STARD13: variants seen among roughly 807,000 people sequenced by gnomAD.
STARD13 encodes StAR related lipid transfer domain containing 13.
Under a neutral mutation model 106.4 loss-of-function variants are expected in STARD13, and 62 were observed. That is an observed-to-expected ratio of 0.58 (90% CI 0.48 to 0.72). STARD13 has a LOEUF of 0.72. STARD13 is among the 30% of genes least tolerant of loss of function. STARD13 has a pLI of 0.00. For missense variants in STARD13, 1,387 were observed against 1,424.0 expected (o/e 0.97, Z 0.42); for synonymous variants, 565 against 553.0 (o/e 1.02, Z -0.31).
chr13:33,245,514 T>C (rs1344773892), intron 1 of STARD13, among the ~76,000 whole-genome samples: 1 of 152,216 alleles, frequency 6.6e-6, no homozygotes, highest in Admixed American at 6.5e-5. Context: ...CAGAATGTCA[T>C]TTAGCAAAAG....
chr13:33,669,398 A>G, the STARD13 span, among the ~76,000 whole-genome samples: 5 of 152,234 alleles, frequency 3.3e-5, no homozygotes, highest in Admixed American at 2.6e-4. Context: ...TGCTTTCTCC[A>G]GCCTCTCATG....
At chr13:33,606,730 T>TCTTA in the STARD13 span, among the ~76,000 whole-genome samples, 1 of 152,256 alleles carries the variant, frequency 6.6e-6, no homozygotes, top group Admixed American at 6.5e-5. Flanking sequence ...AACACAAATG[T>TCTTA]CTTATAGTTC....
the STARD13 span, among the ~76,000 whole-genome samples, chr13:33,620,902 A>G: frequency 0.052 from 7,947 of 151,758 alleles, 388 homozygotes; most frequent in East Asian, 0.17. Flanking sequence ...TAAATCCAAA[A>G]GGAAATATTA....
intron 1 of STARD13, among the ~76,000 whole-genome samples, chr13:33,175,386 T>C (rs542576571): frequency 2.6e-5 from 4 of 152,142 alleles, no homozygotes; most frequent in Admixed American, 2.6e-4. Context: ...GACCAGACAA[T>C]TAGATAGAGC....
intron 1 of STARD13, among the ~76,000 whole-genome samples, chr13:33,209,596 C>T (rs924631666): frequency 1.3e-5 from 2 of 152,090 alleles, no homozygotes; most frequent in African/African-American, 2.4e-5. Flanking sequence ...TCAGTCCTGC[C>T]ATCCTTAAGT....
chr13:33,488,316 G>A, the STARD13 span, among the ~76,000 whole-genome samples: 2 of 152,156 alleles, frequency 1.3e-5, no homozygotes, highest in African/African-American at 4.8e-5. Context: ...TCATCCAGGT[G>A]TGCTTCTCCT....
the STARD13 span, among the ~76,000 whole-genome samples, chr13:33,470,823 A>G: frequency 1.3e-5 from 2 of 152,202 alleles, no homozygotes; most frequent in African/African-American, 4.8e-5. Context: ...TCTGGATACT[A>G]GCCCTTTGTC....
intron 1 of STARD13, among the ~76,000 whole-genome samples, chr13:33,192,148 C>T (rs1886295066): frequency 6.6e-6 from 1 of 152,192 alleles, no homozygotes; most frequent in African/African-American, 2.4e-5. Context: ...GAAATAGTTA[C>T]TATTGAAAAA....
chr13:33,163,681 A>AT, intron 3 of STARD13, among the ~76,000 whole-genome samples: 1 of 90,962 alleles, frequency 1.1e-5, no homozygotes, highest in Admixed American at 1.0e-4. Context: ...CATATATATA[A>AT]AACATATATA....
chr13:33,456,281 C>T, the STARD13 span, among the ~76,000 whole-genome samples: 1 of 152,082 alleles, frequency 6.6e-6, no homozygotes, highest in East Asian at 1.9e-4. Flanking sequence ...CCTCTGTCTC[C>T]CGGGTTCAAG....
At chr13:33,266,555 T>C (rs2138342983) in intron 1 of STARD13, among the ~76,000 whole-genome samples, 1 of 152,232 alleles carries the variant, frequency 6.6e-6, no homozygotes, top group East Asian at 1.9e-4. Context: ...TCACTGAATT[T>C]GGACTACATT....
chr13:33,522,283 C>T, the STARD13 span, among the ~76,000 whole-genome samples: 1 of 151,982 alleles, frequency 6.6e-6, no homozygotes, highest in Non-Finnish European at 1.5e-5. Flanking sequence ...CCATATGGCA[C>T]CTGCTCCACT....
At chr13:33,353,026 C>G (rs534780865), upstream of STARD13, among the ~76,000 whole-genome samples, 1 of 152,138 alleles carries the variant, frequency 6.6e-6, no homozygotes, top group South Asian at 2.1e-4. Context: ...TCTTCCAGCC[C>G]GAGACCACGT....
intron 4 of STARD13, among the ~76,000 whole-genome samples, chr13:33,136,576 C>A (rs1316309647): frequency 1.3e-5 from 2 of 152,188 alleles, no homozygotes; most frequent in East Asian, 3.8e-4. Flanking sequence ...CACTGTCTTG[C>A]CCACCTTTGA....
chr13:33,129,238 T>C lies in STARD13; in HGVS notation c.1439A>G (p.Asp480Gly). Residue 480 changes from aspartate (D) to glycine (G), a missense_variant, in exon 5 of 14, where the codon GAT becomes GGT. By Grantham distance (94) the Asp-to-Gly change is moderately conservative. Transcript: ENST00000336934. ...STGDLLDLEK[D>G]DLFPHLDDIL... is the part of the protein sequence containing the mutation. ...GTCATCCAAGTGAGGGAAAAGGTCA[T>C]CTTTCTCCAAGTCCAAAAGATCTCC... 1.2e-6 allele frequency: 2 copies of C among 1,614,156 alleles called. No homozygotes were observed. The highest frequency in any genetic ancestry group is 1.7e-6 in the Non-Finnish European group (2 of 1,180,018).
chr13:33,511,935 C>T, the STARD13 span, among the ~76,000 whole-genome samples: 1 of 152,140 alleles, frequency 6.6e-6, no homozygotes, highest in Non-Finnish European at 1.5e-5. Flanking sequence ...GCTCTTTTCA[C>T]AGCTCTTATA....
In STARD13 at chr13:33,161,159, C is replaced by T. The variant is rs556611963; in HGVS notation, c.323+4178G>A. ...TTTATAACAAGTGAAAGAAGCCATACTAAAAAGGCTACATGCTGTTTGATT... is the reference window on the plus strand; with the variant it reads ...TTTATAACAAGTGAAAGAAGCCATATTAAAAAGGCTACATGCTGTTTGATT... On this transcript the variant is annotated intron_variant, in intron 3 of 13. Coordinates refer to ENST00000336934, the MANE Select transcript of STARD13 (RefSeq NM_178006.4). Among the ~76,000 whole-genome samples the T allele has an allele frequency of 2.0e-5, 3 of 152,182 alleles. No individual in the cohort carries two copies. The South Asian group carries it at 6.2e-4, about 32-fold the overall frequency.
chr13:33,478,305 C>T, the STARD13 span, among the ~76,000 whole-genome samples: 10 of 152,270 alleles, frequency 6.6e-5, no homozygotes, highest in Admixed American at 5.2e-4. Flanking sequence ...CCTTCACCCA[C>T]GAAGTCATAT....
At chr13:33,543,749 T>TA in the STARD13 span, among the ~76,000 whole-genome samples, 30,944 of 152,128 alleles carry the variant, frequency 0.2, 3,450 homozygotes, top group East Asian at 0.42. Flanking sequence ...GGTCTGAGGA[T>TA]ACAGCTGGAT....
Sources: gnomAD v4.1 joint callset for allele counts (sites outside exome capture counted in the v4.1 genomes callset) on GRCh38, gnomAD v4.1.1 for gene constraint, MANE v1.5 for transcripts, NCBI Gene and HGNC (gene_info 2026-07-23, HGNC 2026-07-21) for gene names.